SORCS3: variants seen among roughly 807,000 people sequenced by gnomAD.
The protein encoded by SORCS3 is VPS10 domain-containing receptor SorCS3.
In SORCS3, 57 loss-of-function variants were observed where a neutral mutation model predicts 146.3. That is an observed-to-expected ratio of 0.39 (90% CI 0.31 to 0.49). The LOEUF is 0.49. SORCS3 is among the 20% of genes least tolerant of loss of function. The probability of loss-of-function intolerance (pLI) is 0.92; values close to 1 mark genes in which losing one functional copy is unlikely to be tolerated. For synonymous variants in SORCS3, 653 were observed against 618.5 expected (o/e 1.06, Z -0.83); for missense variants, 1,341 against 1,575.5 (o/e 0.85, Z 2.52).
intron 5 of SORCS3, among the ~76,000 whole-genome samples, chr10:105,065,622 A>G (rs1276985388): frequency 1.3e-5 from 2 of 152,146 alleles, no homozygotes. Context: ...TAGAAAGAAC[A>G]TGTTCTTAGC....
chr10:105,165,934 T>C (rs568745194), intron 12 of SORCS3, among the ~76,000 whole-genome samples: 1 of 152,286 alleles, frequency 6.6e-6, no homozygotes, highest in East Asian at 1.9e-4. Flanking sequence ...TCCTCCCCAG[T>C]GCCTCTTCCT....
At chr10:105,001,672 A>C (rs2133673179) in intron 4 of SORCS3, among the ~76,000 whole-genome samples, 1 of 152,296 alleles carries the variant, frequency 6.6e-6, no homozygotes, top group Admixed American at 6.5e-5. Flanking sequence ...TTAAGGGAAA[A>C]AGATGGAAAG....
chr10:105,211,298 C>T, intron 17 of SORCS3, 48 bp downstream of exon 17: 1 of 1,320,222 alleles, frequency 7.6e-7, no homozygotes, highest in Non-Finnish European at 1.1e-6. Flanking sequence ...TCCTGTTTCT[C>T]TAAACTAGGA....
At chr10:105,218,971 C>T (rs543587363) in intron 19 of SORCS3, among the ~76,000 whole-genome samples, 42 of 152,108 alleles carry the variant, frequency 2.8e-4, no homozygotes, top group South Asian at 8.3e-4. Flanking sequence ...GCCAAAATCA[C>T]GCCACTGTAC....
At chr10:104,873,997 AT>A (rs1172899823) in intron 2 of SORCS3, among the ~76,000 whole-genome samples, 1 of 152,196 alleles carries the variant, frequency 6.6e-6, no homozygotes, top group East Asian at 1.9e-4. Context: ...CTTTCAGGTT[AT>A]TATTGTAATA....
At chr10:105,002,806 C>T (rs2055070159) in intron 4 of SORCS3, among the ~76,000 whole-genome samples, 2 of 152,178 alleles carry the variant, frequency 1.3e-5, no homozygotes, top group South Asian at 4.1e-4. Flanking sequence ...TTTGTATGTA[C>T]TTGAGTACGT....
intron 25 of SORCS3, among the ~76,000 whole-genome samples, chr10:105,258,060 C>T (rs145555190): frequency 1.2e-4 from 19 of 152,170 alleles, no homozygotes; most frequent in Non-Finnish European, 2.2e-4. Context: ...TTCCTGCCCC[C>T]CTTCTTCCTG....
intron 19 of SORCS3, among the ~76,000 whole-genome samples, chr10:105,220,995 T>C (rs1428675030): frequency 6.6e-6 from 1 of 152,160 alleles, no homozygotes; most frequent in Non-Finnish European, 1.5e-5. Context: ...TGAGATGCCA[T>C]ATGTTTGGGG....
intron 1 of SORCS3, among the ~76,000 whole-genome samples, chr10:104,806,786 A>G (rs1276731651): frequency 2.0e-5 from 3 of 152,216 alleles, no homozygotes; most frequent in Non-Finnish European, 4.4e-5. Flanking sequence ...AATCATAAAG[A>G]TAGGAACAGT....
At chr10:105,178,613 A>G (rs2056423385) in intron 14 of SORCS3, among the ~76,000 whole-genome samples, 4 of 152,262 alleles carry the variant, frequency 2.6e-5, no homozygotes, top group Middle Eastern at 3.4e-3. Flanking sequence ...ACACACACAC[A>G]CAAACACACA....
chr10:104,835,024 G>A (rs987296314), intron 1 of SORCS3, among the ~76,000 whole-genome samples: 2 of 151,946 alleles, frequency 1.3e-5, no homozygotes, highest in African/African-American at 4.8e-5. Context: ...TGACAAGTTG[G>A]TGTCTCTTGT....
intron 5 of SORCS3, among the ~76,000 whole-genome samples, chr10:105,050,916 G>T (rs887669724): frequency 6.6e-6 from 1 of 151,860 alleles, no homozygotes; most frequent in Admixed American, 6.6e-5. Context: ...ATTTCATTTT[G>T]CCCATTGTTT....
chr10:105,048,011 G>C lies in SORCS3; in HGVS notation c.1028+4883G>C, dbSNP rs565412989. Among the ~76,000 whole-genome samples the C allele has an allele frequency of 1.9e-4, 29 of 152,146 alleles. 1 individual carries two copies. Among genetic ancestry groups the C allele is most frequent in the Admixed American group, 1.8e-3 (28 of 15,252 alleles). On this transcript the variant is annotated intron_variant, in intron 5 of 26. Coordinates refer to ENST00000369701, the MANE Select transcript of SORCS3 (RefSeq NM_014978.3). ...ACCATCTCACACCAGTTAGAATGGC[G>C]ATCATGAAAAAGTCAGGAAACAACA...
intron 1 of SORCS3, among the ~76,000 whole-genome samples, chr10:104,754,979 A>G (rs1484188936): frequency 6.6e-6 from 1 of 152,216 alleles, no homozygotes; most frequent in Non-Finnish European, 1.5e-5. Flanking sequence ...GGGGATGCCA[A>G]AGAAGAAATT....
chr10:104,701,684 T>A (rs935044058), intron 1 of SORCS3, among the ~76,000 whole-genome samples: 1 of 152,232 alleles, frequency 6.6e-6, no homozygotes, highest in African/African-American at 2.4e-5. Context: ...TCTCACTGAT[T>A]GCTAATCCTA....
At chr10:105,214,365 A>AACACAC (rs34307677) in intron 17 of SORCS3, 77 bp from the exon 18 acceptor site, 316,205 of 1,425,660 alleles carry the variant, frequency 0.22, 14,525 homozygotes, top group South Asian at 0.32. Context: ...TTCCCTTTAT[A>AACACAC]ACACACACAC....
intron 14 of SORCS3, among the ~76,000 whole-genome samples, chr10:105,179,985 A>G (rs1014770381): frequency 2.6e-5 from 4 of 152,204 alleles, no homozygotes; most frequent in African/African-American, 7.2e-5. Flanking sequence ...GTGGTCAGGG[A>G]GAAAAAACAG....
chr10:104,822,212 C>A, intron 1 of SORCS3: 1 of 422,858 alleles, frequency 2.4e-6, no homozygotes, highest in South Asian at 1.8e-5. Flanking sequence ...CACACGTTGT[C>A]TGTTTCTTAT....
chr10:104,970,305 C>G (rs186956255), intron 3 of SORCS3, among the ~76,000 whole-genome samples: 2 of 152,068 alleles, frequency 1.3e-5, no homozygotes, highest in Non-Finnish European at 2.9e-5. Context: ...TACCTCCACG[C>G]CCAGCTAATT....
Sources: allele counts gnomAD v4.1 joint callset (sites outside exome capture counted in the v4.1 genomes callset), GRCh38; gene constraint gnomAD v4.1.1; transcripts MANE v1.5; gene names NCBI Gene and HGNC (gene_info 2026-07-23, HGNC 2026-07-21).